MTCH2: variants seen among roughly 807,000 people sequenced by gnomAD.
The protein encoded by MTCH2 is mitochondrial carrier 2, also known as mitochondrial carrier homolog 2.
MTCH2 carries 25 observed loss-of-function variants against 50.6 expected under a neutral mutation model. The ratio of observed to expected loss-of-function variants is 0.49; its 90% CI spans 0.36 to 0.69. The LOEUF (loss-of-function observed/expected upper bound fraction) is 0.69. Ranked by LOEUF, MTCH2 falls within the 30% of genes least tolerant of loss-of-function variation. The pLI, the probability that MTCH2 is intolerant of heterozygous loss-of-function variation, is 0.00. For synonymous variants in MTCH2, 106 were observed against 132.0 expected, an observed-to-expected ratio of 0.80 and a Z score of 1.35; for missense variants, 273 against 384.4, an observed-to-expected ratio of 0.71 and a Z score of 2.42.
intron 9 of MTCH2, among the ~76,000 whole-genome samples, chr11:47,628,470 A>G (rs1489496006): frequency 1.3e-5 from 2 of 152,242 alleles, no homozygotes; most frequent in Non-Finnish European, 2.9e-5. Context: ...ATCGTTCTAC[A>G]GTGAACAGTA....
chr11:47,614,670 C>T (rs1288766385), downstream of MTCH2, among the ~76,000 whole-genome samples: 2 of 152,198 alleles, frequency 1.3e-5, no homozygotes, highest in African/African-American at 4.8e-5. Context: ...CAACCTCCAC[C>T]TCCTGGGTTT....
Position 47,625,798 on chromosome 11 carries a change from T to C in MTCH2, c.682-57A>G, listed in dbSNP as rs1274469915. The C allele has an allele frequency of 7.7e-6, 11 of 1,424,760 alleles. No homozygotes were observed. The South Asian group carries it at 8.3e-5, about 11-fold the overall frequency. 88.3% of individuals were successfully genotyped at this position (1,424,760 alleles called of 1,614,324 possible). On this transcript the variant is annotated intron_variant, in intron 10 of 12. Transcript: ENST00000302503. ...GATCATTCCTAGTCTTTATTCTCCT[T>C]TCCTTTACCTTAAAGGCCTAGTGCC...
chr11:47,610,857 C>G, the MTCH2 span, among the ~76,000 whole-genome samples: 1 of 152,172 alleles, frequency 6.6e-6, no homozygotes, highest in East Asian at 1.9e-4. Flanking sequence ...TCCCCACTAT[C>G]CTGACAAAGC....
At chr11:47,637,906 G>A (rs957993610) in intron 3 of MTCH2, among the ~76,000 whole-genome samples, 9 of 152,054 alleles carry the variant, frequency 5.9e-5, no homozygotes, top group Admixed American at 2.6e-4. Context: ...TTACTCCATC[G>A]ATATAATTAT....
At chr11:47,612,613 C>T (rs1311452209), downstream of MTCH2, among the ~76,000 whole-genome samples, 1 of 151,484 alleles carries the variant, frequency 6.6e-6, no homozygotes, top group Non-Finnish European at 1.5e-5. Context: ...ATCCCAGCTA[C>T]TTGGGAGGCT....
downstream of MTCH2, among the ~76,000 whole-genome samples, chr11:47,614,350 T>C (rs193270667): frequency 4.4e-3 from 665 of 152,328 alleles, 2 homozygotes; most frequent in African/African-American, 0.015. Flanking sequence ...CAATTAGAAC[T>C]TCTACAACAG....
At chr11:47,606,382 A>G in the MTCH2 span, among the ~76,000 whole-genome samples, 2 of 152,266 alleles carry the variant, frequency 1.3e-5, no homozygotes, top group South Asian at 2.1e-4. Context: ...ATAACCAGCA[A>G]TATCTTTTAT....
intron 12 of MTCH2, among the ~76,000 whole-genome samples, chr11:47,620,940 G>C (rs895304087): frequency 6.6e-6 from 1 of 152,188 alleles, no homozygotes; most frequent in South Asian, 2.1e-4. Context: ...ATTTGCTGTT[G>C]TTGTAAGCAC....
At chr11:47,631,377 C>T (rs2097302881) in intron 6 of MTCH2, among the ~76,000 whole-genome samples, 1 of 151,978 alleles carries the variant, frequency 6.6e-6, no homozygotes, top group South Asian at 2.1e-4. Flanking sequence ...CCATTGCACT[C>T]CAGCCTGGGC....
In MTCH2 at chr11:47,618,385, A is replaced by G. The variant is rs1598830067; in HGVS notation, c.*448T>C. 4.5e-6 allele frequency: 1 copy of G among 222,850 alleles called. No individual in the cohort carries two copies. The highest frequency in any genetic ancestry group is 1.6e-4 in the East Asian group (1 of 6,372). 13.8% of individuals were successfully genotyped at this position (222,850 alleles called of 1,614,324 possible). On this transcript the variant is annotated 3_prime_UTR_variant, in exon 13 of 13. Coordinates refer to ENST00000302503, the MANE Select transcript of MTCH2 (RefSeq NM_014342.4). ...TGGGAGTCAGATTCTGGTGCATGCT[A>G]CTGACATTTTAGGGTCTACCCAAGA...
chr11:47,622,582 C>T, intron 12 of MTCH2, 119 bp downstream of exon 12: 2 of 764,694 alleles, frequency 2.6e-6, no homozygotes, highest in Non-Finnish European at 4.2e-6. Context: ...GCAGACTAGA[C>T]TAACTCTAGC....
At chr11:47,623,707 CAT>C (rs1309653547) in intron 11 of MTCH2, among the ~76,000 whole-genome samples, 2 of 152,228 alleles carry the variant, frequency 1.3e-5, no homozygotes, top group Middle Eastern at 3.4e-3. Flanking sequence ...AAAACAGTAA[CAT>C]GTTTAATGAT....
the MTCH2 span, among the ~76,000 whole-genome samples, chr11:47,604,520 A>G: frequency 6.6e-6 from 1 of 152,194 alleles, no homozygotes; most frequent in African/African-American, 2.4e-5. Context: ...ATACATGCCC[A>G]CTTGTTGGGA....
the MTCH2 span, among the ~76,000 whole-genome samples, chr11:47,606,597 A>T: frequency 6.6e-6 from 1 of 152,220 alleles, no homozygotes; most frequent in Non-Finnish European, 1.5e-5. Flanking sequence ...CTCTTGTGCC[A>T]TATTGCCATC....
intron 1 of MTCH2, among the ~76,000 whole-genome samples, chr11:47,639,827 G>A (rs529584925): frequency 1.3e-5 from 2 of 152,044 alleles, no homozygotes; most frequent in Admixed American, 6.6e-5. Flanking sequence ...CGACAACAGC[G>A]AGACTCCATC....
chr11:47,628,766 C>T (rs540246960), intron 9 of MTCH2, among the ~76,000 whole-genome samples, 187 bp downstream of exon 9: 11 of 152,128 alleles, frequency 7.2e-5, no homozygotes, highest in East Asian at 1.9e-4. Context: ...TTAGTAGAGA[C>T]GAGGTTTCAC....
At chr11:47,633,303 G>A (rs1298863418) in intron 5 of MTCH2, among the ~76,000 whole-genome samples, 1 of 147,148 alleles carries the variant, frequency 6.8e-6, no homozygotes. Flanking sequence ...GTAGAGACGG[G>A]GTTTCACCGT....
chr11:47,635,279 T>C (rs890794229), intron 4 of MTCH2, among the ~76,000 whole-genome samples: 1 of 152,012 alleles, frequency 6.6e-6, no homozygotes, highest in Non-Finnish European at 1.5e-5. Context: ...GGGTCTATGT[T>C]GCCCAGGCTG....
chr11:47,617,426 A>G lies in MTCH2; in HGVS notation c.*1407T>C, dbSNP rs2153797853. On this transcript the variant is annotated 3_prime_UTR_variant, in exon 13 of 13. Transcript: ENST00000302503. ...TAGTAATATTGAAATAGTATATAAA[A>G]TTGACATTACTTTTTGAGACAAAGG... The G allele has an allele frequency of 6.6e-6, 1 of 152,402 alleles. No individual in the cohort carries two copies. Among genetic ancestry groups the G allele is most frequent in the East Asian group, 1.9e-4 (1 of 5,192 alleles). The allele number at this position is 152,402 out of a possible 1,614,324, so 9.4% of individuals were successfully genotyped here.
Sources: allele counts gnomAD v4.1 joint callset (sites outside exome capture counted in the v4.1 genomes callset), GRCh38; gene constraint gnomAD v4.1.1; transcripts MANE v1.5; gene names NCBI Gene and HGNC (gene_info 2026-07-23, HGNC 2026-07-21).